The following OPCML variants were observed in gnomAD, a reference collection of about 807,000 sequenced individuals.
The protein encoded by OPCML is opioid-binding protein/cell adhesion molecule.
In OPCML, 13 loss-of-function variants were observed where a neutral mutation model predicts 37.8. The observed-to-expected ratio is 0.34, with a 90% CI of 0.22 to 0.55. OPCML has a LOEUF of 0.55. Ranked by LOEUF, OPCML falls within the 20% of genes least tolerant of loss-of-function variation. The probability of loss-of-function intolerance (pLI) is 0.91; values close to 1 mark genes in which losing one functional copy is unlikely to be tolerated. For synonymous variants in OPCML, 176 were observed against 168.8 expected (o/e 1.04, Z -0.33); for missense variants, 341 against 435.6 (o/e 0.78, Z 1.93).
chr11:133,208,892 C>A lies in OPCML; in HGVS notation c.62-265882G>T, dbSNP rs1939232854. ...CAAAGCACCCCTACTTTAACAACCT[C>A]CTCTGGTGTCTAAGAACCAAACCAA... On this transcript the variant is annotated intron_variant, in intron 1 of 7. Transcript: ENST00000524381. This position sits in a 1 kb window ranked among gnomAD's most constrained non-coding sequence, Gnocchi z 8.9. 6.6e-6 allele frequency among the ~76,000 whole-genome samples: 1 copy of A among 152,176 alleles called. No individual in the cohort carries two copies. Among genetic ancestry groups the A allele is most frequent in the South Asian group, 2.1e-4 (1 of 4,828 alleles).
chr11:133,334,416 G>T (rs1381750874), intron 1 of OPCML, among the ~76,000 whole-genome samples: 1 of 152,106 alleles, frequency 6.6e-6, no homozygotes, highest in African/African-American at 2.4e-5. Flanking sequence ...AATACAGCAT[G>T]TTCTCACTTA....
intron 2 of OPCML, among the ~76,000 whole-genome samples, chr11:132,899,777 CA>C (rs1259231002): frequency 1.3e-5 from 2 of 152,060 alleles, no homozygotes; most frequent in Non-Finnish European, 2.9e-5. Flanking sequence ...GGCACCATCC[CA>C]TAGGCTGGGA....
chr11:133,246,076 T>G lies in OPCML; in HGVS notation c.61+286188A>C, dbSNP rs377628886. On this transcript the variant is annotated intron_variant, in intron 1 of 7. Coordinates refer to ENST00000524381, the MANE Select transcript of OPCML (RefSeq NM_001012393.5). ...AACCGCCATGGCACATGTATACCTA[T>G]GTAAAAAACCACTTTCTGCACATGT... 7.9e-5 allele frequency among the ~76,000 whole-genome samples: 12 copies of G among 152,232 alleles called. No individual in the cohort carries two copies. In the South Asian group the frequency reaches 1.7e-3, roughly 21 times the overall value.
chr11:133,342,806 G>A lies in OPCML; in HGVS notation c.61+189458C>T, dbSNP rs554995680. On this transcript the variant is annotated intron_variant, in intron 1 of 7. Transcript: ENST00000524381. ...GACATAGAGGGAGCAAGAACCTGGA[G>A]CTAAATTTGGTCTGGAGCAGACTCT... is the stretch of plus-strand genomic sequence containing the variant. Among the ~76,000 whole-genome samples, 11 of 152,228 alleles carry A rather than the reference G, an allele frequency of 7.2e-5. No individual in the cohort carries two copies. In the East Asian group the frequency reaches 2.1e-3, roughly 29 times the overall value.
At chr11:133,431,136 C>G (rs1021707847) in intron 1 of OPCML, among the ~76,000 whole-genome samples, 8 of 152,262 alleles carry the variant, frequency 5.3e-5, no homozygotes, top group African/African-American at 1.9e-4. Context: ...TCATGCAGTT[C>G]TTAACATTAA....
intron 1 of OPCML, chr11:133,118,030 G>T: frequency 1.3e-6 from 1 of 759,074 alleles, no homozygotes; most frequent in Non-Finnish European, 1.6e-6. Flanking sequence ...CTACAGGGGT[G>T]TGAAGTTTCC....
At chr11:132,586,512 T>C (rs1205758672) in intron 3 of OPCML, among the ~76,000 whole-genome samples, 1 of 152,204 alleles carries the variant, frequency 6.6e-6, no homozygotes, top group Non-Finnish European at 1.5e-5. Context: ...GAATGCATCC[T>C]TTTCCTTTCC....
intron 2 of OPCML, among the ~76,000 whole-genome samples, chr11:132,787,703 T>C (rs537868000): frequency 3.9e-5 from 6 of 152,326 alleles, no homozygotes; most frequent in South Asian, 2.1e-4. Flanking sequence ...TTCTAAATGT[T>C]AAAGTTCTTT....
At chr11:133,241,659 T>C (rs1165871287) in intron 1 of OPCML, among the ~76,000 whole-genome samples, 1 of 152,226 alleles carries the variant, frequency 6.6e-6, no homozygotes, top group Non-Finnish European at 1.5e-5. Context: ...TCATAGGTAA[T>C]GTAGTTCACC....
At chr11:133,145,684 C>T (rs1200959995) in intron 1 of OPCML, among the ~76,000 whole-genome samples, 1 of 152,134 alleles carries the variant, frequency 6.6e-6, no homozygotes. Context: ...TAAGAAAGAG[C>T]GTGGAGGTAG....
At chr11:133,254,376 T>C (rs957343680) in intron 1 of OPCML, among the ~76,000 whole-genome samples, 2 of 152,212 alleles carry the variant, frequency 1.3e-5, no homozygotes. Context: ...CAATCATTTA[T>C]GTGAATAGTC....
chr11:133,039,531 T>C (rs1167876303), intron 1 of OPCML, among the ~76,000 whole-genome samples: 3 of 152,062 alleles, frequency 2.0e-5, no homozygotes, highest in Non-Finnish European at 4.4e-5. Context: ...ACCCATTGGA[T>C]GGTGGTCATA....
intron 2 of OPCML, among the ~76,000 whole-genome samples, chr11:132,921,683 AT>A (rs57550948): frequency 6.6e-6 from 1 of 152,064 alleles, no homozygotes; most frequent in African/African-American, 2.4e-5. Context: ...TTCTGGAGAA[AT>A]TTTTTTATAA....
At chr11:133,243,550 G>C (rs541248597) in intron 1 of OPCML, among the ~76,000 whole-genome samples, 1 of 152,320 alleles carries the variant, frequency 6.6e-6, no homozygotes, top group Non-Finnish European at 1.5e-5. Flanking sequence ...TCTGCTTTAA[G>C]AAAATGAGTA....
intron 1 of OPCML, among the ~76,000 whole-genome samples, chr11:133,417,080 C>T (rs1286259619): frequency 1.3e-5 from 2 of 152,314 alleles, no homozygotes; most frequent in Admixed American, 6.5e-5. Context: ...GTGTAACCCC[C>T]ACCCCACATC....
At chr11:133,412,563 T>C (rs996400861) in intron 1 of OPCML, among the ~76,000 whole-genome samples, 4 of 152,324 alleles carry the variant, frequency 2.6e-5, no homozygotes, top group East Asian at 1.9e-4. Flanking sequence ...AGGGGTTTTT[T>C]GAGATGTATT....
At chr11:133,265,887 A>G (rs1262091458) in intron 1 of OPCML, among the ~76,000 whole-genome samples, 1 of 152,250 alleles carries the variant, frequency 6.6e-6, no homozygotes, top group Non-Finnish European at 1.5e-5. Flanking sequence ...TTCATGGCAC[A>G]TCTCTCAGCC....
intron 1 of OPCML, among the ~76,000 whole-genome samples, chr11:133,190,592 C>T (rs1295997409): frequency 1.3e-5 from 2 of 152,094 alleles, no homozygotes; most frequent in Non-Finnish European, 2.9e-5. Context: ...TTTTCATCAC[C>T]CCAGAAAAGA....
chr11:133,221,264 AG>A (rs1337483686), intron 1 of OPCML, among the ~76,000 whole-genome samples: 3 of 152,274 alleles, frequency 2.0e-5, no homozygotes, highest in African/African-American at 7.2e-5. Context: ...CTGTCTGCAG[AG>A]TGACTTGGTC....
Sources: gnomAD v4.1 joint callset for allele counts (sites outside exome capture counted in the v4.1 genomes callset) on GRCh38, gnomAD v4.1.1 for gene constraint, Gnocchi (gnomAD v3.1) non-coding constraint, MANE v1.5 for transcripts, NCBI Gene and HGNC (gene_info 2026-07-23, HGNC 2026-07-21) for gene names.